NEK4: variants seen among roughly 807,000 people sequenced by gnomAD.
The protein encoded by NEK4 is serine/threonine-protein kinase Nek4.
NEK4 carries 86 observed loss-of-function variants against 98.4 expected under a neutral mutation model. That is an observed-to-expected ratio of 0.87 (90% CI 0.73 to 1.05). NEK4 has a LOEUF of 1.05. Among genes scored for constraint, NEK4 ranks in the 50% least tolerant of loss-of-function variants. The pLI is 0.00. For synonymous variants in NEK4, 328 were observed against 342.2 expected (o/e 0.96, Z 0.46); for missense variants, 898 against 950.3 (o/e 0.94, Z 0.72).
Position 52,749,738 on chromosome 3 carries a change from G to A in NEK4, c.1460C>T (p.Ser487Leu), listed in dbSNP as rs1246292078. Reference protein sequence around the residue: ...RLLGSSDSPASASRVAGITGV... With the variant: ...RLLGSSDSPALASRVAGITGV... Reference sequence around the variant, plus strand: ...TGTAATCCCAGCTACTCGGGAGGCTGAGGCTGGAGAATCACTTGAACCCAG... The same window carrying A: ...TGTAATCCCAGCTACTCGGGAGGCTAAGGCTGGAGAATCACTTGAACCCAG... Residue 487 changes from serine (S) to leucine (L), a missense_variant, in exon 8 of 16, where the codon TCA becomes TTA. Ser to Leu is a moderately radical substitution (Grantham distance 145). Coordinates refer to ENST00000233027, the MANE Select transcript of NEK4 (RefSeq NM_003157.6). 9.2e-6 allele frequency: 2 copies of A among 216,698 alleles called. No individual in the cohort carries two copies. The highest frequency in any genetic ancestry group is 4.7e-5 in the South Asian group (1 of 21,184). 13.4% of individuals were successfully genotyped at this position (216,698 alleles called of 1,614,324 possible). A position where few individuals can be genotyped will look rare whatever the true frequency, so the allele number is the denominator to read the frequency against.
chr3:52,754,796 G>A (rs780950304), intron 6 of NEK4: 60 of 322,346 alleles, frequency 1.9e-4, no homozygotes, highest in Non-Finnish European at 2.2e-4. Flanking sequence ...ACTGTGGGCC[G>A]GGCACCGTGG....
At chr3:52,741,610 A>G (rs1232721158) in intron 12 of NEK4, 111 bp from the exon 13 acceptor site, 9 of 613,714 alleles carry the variant, frequency 1.5e-5, no homozygotes, top group Non-Finnish European at 2.3e-5. Context: ...TAGGTGCAAT[A>G]TAACAGGAGA....
At chr3:52,737,964 C>G (rs1046854145) in intron 14 of NEK4, among the ~76,000 whole-genome samples, 3 of 152,114 alleles carry the variant, frequency 2.0e-5, no homozygotes, top group Non-Finnish European at 4.4e-5. Context: ...CAGGGGCCCA[C>G]CACCACACCC....
At chr3:52,760,213 A>T (rs1698306221) in intron 6 of NEK4, among the ~76,000 whole-genome samples, 1 of 151,890 alleles carries the variant, frequency 6.6e-6, no homozygotes, top group African/African-American at 2.4e-5. Flanking sequence ...ATTTTATTTT[A>T]TTTATTTTTA....
Position 52,737,575 on chromosome 3 carries a change from G to C in NEK4, c.2433+11C>G, listed in dbSNP as rs1193008942. On this transcript the variant is annotated intron_variant, in intron 15 of 15. Transcript: ENST00000233027. ...ACATAAGCATCTTGATACAGTTAAT[G>C]AGACACTCACCTCTCTATCAAATTC... 1.9e-6 allele frequency: 3 copies of C among 1,613,420 alleles called. No individual in the cohort carries two copies. The highest frequency in any genetic ancestry group is 1.6e-4 in the Middle Eastern group (1 of 6,062).
chr3:52,741,334 T>C (rs1247716106), intron 13 of NEK4, 77 bp downstream of exon 13: 2 of 834,692 alleles, frequency 2.4e-6, no homozygotes, highest in Non-Finnish European at 2.0e-6. Flanking sequence ...GAGATCTAAA[T>C]ACTACTGAAA....
chr3:52,726,116 A>T (rs544000463), intron 15 of NEK4, among the ~76,000 whole-genome samples: 118 of 152,358 alleles, frequency 7.7e-4, no homozygotes, highest in African/African-American at 2.6e-3. Flanking sequence ...GTTACAAGAG[A>T]CAAAAAAGGA....
At position 52,752,098 on chromosome 3, in the gene NEK4, C is replaced by T; in HGVS notation, c.1202G>A (p.Cys401Tyr). 1 of 1,614,224 alleles carries T rather than the reference C, an allele frequency of 6.2e-7. No homozygotes were observed. Among genetic ancestry groups the T allele is most frequent in the South Asian group, 1.1e-5 (1 of 91,086 alleles). Reference protein sequence around the residue: ...LDASNELGGICSISQVEEEML... With the variant: ...LDASNELGGIYSISQVEEEML... The stretch of plus-strand genomic sequence containing the variant: ...CTCCTCTTCCACTTGAGAAATACTG[C>T]ATATACCTCCTAACTCATTAGAGGC... The change falls in exon 7 of 16, where the codon TGC (cysteine) becomes TAC (tyrosine). Residue 401 changes from cysteine to tyrosine, a missense_variant. Coordinates refer to ENST00000233027, the MANE Select transcript of NEK4 (RefSeq NM_003157.6).
chr3:52,749,923 C>T (rs1290533732), intron 7 of NEK4, 94 bp from the exon 8 acceptor site: 1 of 153,892 alleles, frequency 6.5e-6, no homozygotes, highest in Non-Finnish European at 1.5e-5. Flanking sequence ...ACTAGGATGA[C>T]TATGTTCAAA....
chr3:52,749,097 G>C (rs1046148335), intron 8 of NEK4, among the ~76,000 whole-genome samples: 5 of 151,744 alleles, frequency 3.3e-5, no homozygotes, highest in African/African-American at 1.2e-4. Context: ...AGGGGAAGAG[G>C]GGAGGGGAGG....
At chr3:52,733,233 C>A in intron 15 of NEK4, 1 of 244,154 alleles carries the variant, frequency 4.1e-6, no homozygotes, top group Admixed American at 4.8e-5. Context: ...AGTTGCAATC[C>A]ACACCTTGCA....
chr3:52,753,456 G>A (rs1055042372), intron 6 of NEK4: 14 of 377,076 alleles, frequency 3.7e-5, no homozygotes, highest in Non-Finnish European at 4.7e-5. Flanking sequence ...CGGAAGGCTG[G>A]TAAATTGAAT....
In NEK4 at chr3:52,770,817, C is replaced by G; in HGVS notation, c.-71G>C. 7.4e-7 allele frequency: 1 copy of G among 1,359,662 alleles called. No individual in the cohort carries two copies. 84.2% of individuals were successfully genotyped at this position (1,359,662 alleles called of 1,614,324 possible). ...TAGGGCAGCGGGCGGCAACAAGAAGCTCGGTTCATGCCCGAGAGGGGGCAG... is the reference window on the plus strand; with the variant it reads ...TAGGGCAGCGGGCGGCAACAAGAAGGTCGGTTCATGCCCGAGAGGGGGCAG... On this transcript the variant is annotated 5_prime_UTR_variant, in exon 1 of 16. Transcript: ENST00000233027.
chr3:52,746,702 T>C, intron 9 of NEK4, 32 bp downstream of exon 9: 1 of 1,565,182 alleles, frequency 6.4e-7, no homozygotes, highest in Non-Finnish European at 8.7e-7. Context: ...TTTCCCAAAG[T>C]CCACCTCCCA....
rs148355513 is a variant in NEK4 at position 52,754,470 on chromosome 3, T to C, written c.964-2134A>G. On this transcript the variant is annotated intron_variant, in intron 6 of 15. Coordinates refer to ENST00000233027, the MANE Select transcript of NEK4 (RefSeq NM_003157.6). ...TTTAAGAGTAAAGTGGTTGACAGTG[T>C]TAAGGTATGTATTACTCGTCTGTCT... The C allele has an allele frequency of 2.5e-4, 168 of 668,642 alleles. No individual in the cohort carries two copies. In the African/African-American group the frequency reaches 2.9e-3, roughly 12 times the overall value. 41.4% of individuals were successfully genotyped at this position (668,642 alleles called of 1,614,324 possible).
intron 12 of NEK4, among the ~76,000 whole-genome samples, chr3:52,742,983 C>A (rs1424621964): frequency 1.3e-5 from 2 of 152,048 alleles, no homozygotes; most frequent in Admixed American, 6.6e-5. Context: ...CAGGGTCCAA[C>A]TATATTGCCC....
intron 15 of NEK4, among the ~76,000 whole-genome samples, chr3:52,718,472 CAA>C (rs35974184): frequency 0.44 from 40,299 of 91,704 alleles, 6,014 homozygotes; most frequent in Admixed American, 0.52. Context: ...GACTCCGTCT[CAA>C]AAAAAAAAAA....
chr3:52,736,300 T>C (rs776087147), intron 15 of NEK4, among the ~76,000 whole-genome samples: 1 of 152,154 alleles, frequency 6.6e-6, no homozygotes, highest in Non-Finnish European at 1.5e-5. Context: ...AAAATAATTA[T>C]AGCAGGCCGG....
At chr3:52,715,504 A>G (rs2097354330) in intron 15 of NEK4, among the ~76,000 whole-genome samples, 2 of 152,314 alleles carry the variant, frequency 1.3e-5, no homozygotes, top group South Asian at 2.1e-4. Context: ...CTCTTGCCTC[A>G]GCCTGCCCAG....
Sources: gnomAD v4.1 joint callset for allele counts (sites outside exome capture counted in the v4.1 genomes callset) on GRCh38, gnomAD v4.1.1 for gene constraint, MANE v1.5 for transcripts, NCBI Gene and HGNC (gene_info 2026-07-23, HGNC 2026-07-21) for gene names.